Variants in GREB1L observed in about 807,000 individuals in gnomAD.
The protein encoded by GREB1L is GREB1-like protein.
GREB1L carries 17 observed loss-of-function variants against 200.8 expected under a neutral mutation model. The ratio of observed to expected loss-of-function variants is 0.08; its 90% CI spans 0.06 to 0.13. The LOEUF (loss-of-function observed/expected upper bound fraction) is 0.13, where lower values mean the gene tolerates loss of function less well. Ranked by LOEUF, GREB1L falls within the 10% of genes least tolerant of loss-of-function variation. The pLI is 1.00. For synonymous variants in GREB1L, 789 were observed against 893.0 expected, an observed-to-expected ratio of 0.88 and a Z score of 2.08; for missense variants, 1,657 against 2,367.7, an observed-to-expected ratio of 0.70 and a Z score of 6.23.
intron 2 of GREB1L, among the ~76,000 whole-genome samples, chr18:21,371,097 T>A (rs954317842): frequency 6.6e-6 from 1 of 151,880 alleles, no homozygotes; most frequent in Non-Finnish European, 1.5e-5. Flanking sequence ...AAAAAAAAAA[T>A]TAATTACAAT....
chr18:21,430,804 C>T (rs2033088325), intron 7 of GREB1L, among the ~76,000 whole-genome samples: 2 of 150,738 alleles, frequency 1.3e-5, no homozygotes, highest in African/African-American at 2.4e-5. Flanking sequence ...CCATGTTGGT[C>T]AGGCTGGTCT....
intron 7 of GREB1L, among the ~76,000 whole-genome samples, chr18:21,431,827 T>C (rs189532825): frequency 1.8e-4 from 27 of 152,244 alleles, no homozygotes; most frequent in Admixed American, 5.9e-4. Context: ...TAATTATGTC[T>C]TACTGGTGGA....
At chr18:21,486,799 A>G (rs559848345) in intron 18 of GREB1L, among the ~76,000 whole-genome samples, 30 of 152,274 alleles carry the variant, frequency 2.0e-4, no homozygotes, top group African/African-American at 7.0e-4. Flanking sequence ...TTGATCATCC[A>G]ATGTTGGGGC....
chr18:21,396,167 C>A (rs551661509), intron 5 of GREB1L, among the ~76,000 whole-genome samples: 3 of 151,984 alleles, frequency 2.0e-5, no homozygotes, highest in South Asian at 4.2e-4. Flanking sequence ...GCCTCAGCCT[C>A]CCGAGTAGCT....
intron 4 of GREB1L, among the ~76,000 whole-genome samples, chr18:21,389,333 G>GTTTTTTTTT (rs78492131): frequency 8.4e-5 from 8 of 95,652 alleles, no homozygotes; most frequent in Admixed American, 3.6e-4. Context: ...TATGGGGTGG[G>GTTTTTTTTT]TTTTTTTTTT....
intron 7 of GREB1L, among the ~76,000 whole-genome samples, chr18:21,433,485 C>T (rs2033312245): frequency 6.6e-6 from 1 of 152,126 alleles, no homozygotes; most frequent in African/African-American, 2.4e-5. Context: ...GCAAACTTAA[C>T]TCGGATTCTT....
In GREB1L at chr18:21,382,174, G is replaced by A. The variant is rs543843687; in HGVS notation, c.-9-1336G>A. Among the ~76,000 whole-genome samples the A allele has an allele frequency of 3.3e-5, 5 of 152,122 alleles. No homozygotes were observed. The Middle Eastern group carries it at 0.01, about 313-fold the overall frequency. On this transcript the variant is annotated intron_variant, in intron 2 of 32. Transcript: ENST00000424526. The stretch of plus-strand genomic sequence containing the variant: ...AGCCTGGCCAACATGGGGAAACTGC[G>A]TCTCTACTAAAAATACGAAAATTAG...
chr18:21,316,345 A>G (rs1465516072), intron 1 of GREB1L, among the ~76,000 whole-genome samples: 1 of 152,168 alleles, frequency 6.6e-6, no homozygotes. Flanking sequence ...TCTTTGTCTA[A>G]GTGGTAGAAG....
chr18:21,288,323 G>A (rs544089868), intron 1 of GREB1L, among the ~76,000 whole-genome samples: 110 of 152,240 alleles, frequency 7.2e-4, no homozygotes, highest in Non-Finnish European at 1.3e-3. Context: ...TCTCTGTGGA[G>A]GGAGCTATGC....
chr18:21,345,615 G>A (rs1303509869), intron 1 of GREB1L, among the ~76,000 whole-genome samples: 1 of 152,084 alleles, frequency 6.6e-6, no homozygotes, highest in African/African-American at 2.4e-5. Flanking sequence ...GCTCACACCT[G>A]TAATCCCAGC....
chr18:21,437,739 A>G (rs1025888866), intron 7 of GREB1L, among the ~76,000 whole-genome samples: 5 of 152,252 alleles, frequency 3.3e-5, no homozygotes, highest in African/African-American at 4.8e-5. Flanking sequence ...AAAAGGAAGG[A>G]CATCTTATAG....
chr18:21,309,322 C>G (rs2038753858), intron 1 of GREB1L, among the ~76,000 whole-genome samples: 1 of 152,202 alleles, frequency 6.6e-6, no homozygotes. Flanking sequence ...AGTCAGAAGA[C>G]ACAGTATCAG....
intron 1 of GREB1L, among the ~76,000 whole-genome samples, chr18:21,348,090 A>G (rs898935550): frequency 1.3e-4 from 20 of 151,400 alleles, no homozygotes; most frequent in African/African-American, 4.9e-4. Flanking sequence ...GACTACAGGC[A>G]CCCACCACCA....
intron 4 of GREB1L, among the ~76,000 whole-genome samples, chr18:21,391,400 A>G (rs2040798752): frequency 6.6e-6 from 1 of 152,256 alleles, no homozygotes; most frequent in Admixed American, 6.5e-5. Flanking sequence ...AGGCTGTATC[A>G]TCTGGGTGTG....
intron 17 of GREB1L, among the ~76,000 whole-genome samples, chr18:21,484,471 AT>A (rs1434016041): frequency 2.0e-5 from 3 of 152,108 alleles, no homozygotes; most frequent in Non-Finnish European, 4.4e-5. Context: ...AAGCTGCCTT[AT>A]TTCCTTTATG....
intron 25 of GREB1L, among the ~76,000 whole-genome samples, chr18:21,507,731 C>T (rs1256558655): frequency 6.6e-6 from 1 of 152,144 alleles, no homozygotes; most frequent in Non-Finnish European, 1.5e-5. Flanking sequence ...TGATCTGACC[C>T]GCATAGAGCA....
chr18:21,462,248 T>C (rs953439303), intron 15 of GREB1L, among the ~76,000 whole-genome samples: 1 of 152,234 alleles, frequency 6.6e-6, no homozygotes, highest in Non-Finnish European at 1.5e-5. Context: ...ATTTGAAAAA[T>C]AAACTTGTTT....
chr18:21,412,640 CAGA>C (rs2031188159), intron 7 of GREB1L, among the ~76,000 whole-genome samples: 1 of 152,100 alleles, frequency 6.6e-6, no homozygotes, highest in African/African-American at 2.4e-5. Context: ...CACCTCTGGG[CAGA>C]AGGAGGGAGA....
chr18:21,417,781 A>T (rs2031780231), intron 7 of GREB1L, among the ~76,000 whole-genome samples: 1 of 152,034 alleles, frequency 6.6e-6, no homozygotes, highest in South Asian at 2.1e-4. Flanking sequence ...TGAGATCAGG[A>T]GATCAAGACC....
Sources: gnomAD v4.1 joint callset for allele counts (sites outside exome capture counted in the v4.1 genomes callset) on GRCh38, gnomAD v4.1.1 for gene constraint, MANE v1.5 for transcripts, NCBI Gene and HGNC (gene_info 2026-07-23, HGNC 2026-07-21) for gene names.